CD163L1: variants seen among roughly 807,000 people sequenced by gnomAD.
CD163L1 encodes the protein CD163 molecule like 1.
CD163L1 carries 124 observed loss-of-function variants against 165.4 expected under a neutral mutation model. The observed-to-expected ratio is 0.75, with a 90% confidence interval of 0.65 to 0.87. CD163L1 has a LOEUF of 0.87. Among genes scored for constraint, CD163L1 ranks in the 40% least tolerant of loss-of-function variants. The pLI is 0.00. For missense variants in CD163L1, 1,525 were observed against 1,799.9 expected (o/e 0.85, Z 2.76); for synonymous variants, 585 against 662.2 (o/e 0.88, Z 1.79).
At position 7,398,304 on chromosome 12, in the gene CD163L1, A is replaced by G. The variant is rs761302181; in HGVS notation, c.1689T>C (p.His563=). The G allele has an allele frequency of 6.2e-7, 1 of 1,614,142 alleles. No individual in the cohort carries two copies. The highest frequency in any genetic ancestry group is 1.7e-5 in the Admixed American group (1 of 60,010). ...WDCEHSGWGK[H]NCVHREDVIV... ...TCACATCCTCTCTGTGTACACAATTATGCTTTCCCCATCCACTGTGTTCAC... is the reference window on the plus strand; with the variant it reads ...TCACATCCTCTCTGTGTACACAATTGTGCTTTCCCCATCCACTGTGTTCAC... The change falls in exon 7 of 20, where the codon CAT becomes CAC. Residue 563 remains histidine (H), a synonymous_variant. Coordinates refer to ENST00000313599, the MANE Select transcript of CD163L1 (RefSeq NM_174941.6). The surrounding 1 kb of genome is among the most constrained non-coding windows in gnomAD (Gnocchi z 4.5).
In CD163L1 at chr12:7,432,781, G is replaced by A. The variant is rs1419521926; in HGVS notation, c.446-45C>T. On this transcript the variant is annotated intron_variant, in intron 3 of 19. Transcript: ENST00000313599. This position sits in a 1 kb window ranked among gnomAD's most constrained non-coding sequence, Gnocchi z 4.2. ...ACATATGAAAAACTGATTCAACTTTGAGCCTGAAATAAAATCAAAAGGATA... is the reference window on the plus strand; with the variant it reads ...ACATATGAAAAACTGATTCAACTTTAAGCCTGAAATAAAATCAAAAGGATA... The A allele has an allele frequency of 6.7e-7, 1 of 1,488,330 alleles. No individual in the cohort carries two copies. Among genetic ancestry groups the A allele is most frequent in the Non-Finnish European group, 9.1e-7 (1 of 1,101,934 alleles). The allele number at this position is 1,488,330 out of a possible 1,614,324, so 92.2% of individuals were successfully genotyped here.
intron 8 of CD163L1, among the ~76,000 whole-genome samples, chr12:7,388,089 C>A (rs1045362871): frequency 1.3e-5 from 2 of 152,028 alleles, no homozygotes; most frequent in Non-Finnish European, 2.9e-5. Flanking sequence ...AGAATGAAAC[C>A]ATACCCCTCT....
chr12:7,373,294 C>A, intron 14 of CD163L1, 26 bp downstream of exon 14: 1 of 1,562,420 alleles, frequency 6.4e-7, no homozygotes, highest in South Asian at 1.2e-5. Context: ...GCTTCAGTGA[C>A]AGCTGGTGTT....
chr12:7,333,862 C>G, the CD163L1 span, among the ~76,000 whole-genome samples: 1 of 152,160 alleles, frequency 6.6e-6, no homozygotes, highest in Non-Finnish European at 1.5e-5. Context: ...CTATAAACAC[C>G]TCTACACAAA....
rs1468568798 is a variant in CD163L1 at position 7,441,161 on chromosome 12, G to A, written c.117C>T (p.Ser39=). The A allele has an allele frequency of 3.1e-6, 5 of 1,612,384 alleles. No homozygotes were observed. Among genetic ancestry groups the A allele is most frequent in the Non-Finnish European group, 4.2e-6 (5 of 1,178,540 alleles). The change falls in exon 2 of 20, where the codon AGC becomes AGT. Residue 39 remains serine (S), a synonymous_variant. Coordinates refer to ENST00000313599, the MANE Select transcript of CD163L1 (RefSeq NM_174941.6). ...ILLLNSCFLI[S]SFNGTDLELR... ...TCATCCATCAGAACTCACTAAAACTGCTGATGAGAAAGCAGGAATTCAGGA... is the reference window on the plus strand; with the variant it reads ...TCATCCATCAGAACTCACTAAAACTACTGATGAGAAAGCAGGAATTCAGGA...
the CD163L1 span, among the ~76,000 whole-genome samples, chr12:7,333,096 A>C: frequency 6.6e-6 from 1 of 152,148 alleles, no homozygotes; most frequent in Non-Finnish European, 1.5e-5. Context: ...CAGAAAGTTA[A>C]CAAAGATACC....
chr12:7,416,063 T>G (rs1036702504), intron 4 of CD163L1, among the ~76,000 whole-genome samples: 3 of 152,230 alleles, frequency 2.0e-5, no homozygotes, highest in African/African-American at 7.2e-5. Context: ...GCATTCCTAT[T>G]TCTCCACATT....
downstream of CD163L1, among the ~76,000 whole-genome samples, chr12:7,346,357 A>G (rs866538220): frequency 1.3e-5 from 2 of 152,134 alleles, no homozygotes; most frequent in Middle Eastern, 3.4e-3. Context: ...CTGATTCTCT[A>G]AAACATTTTA....
intron 2 of CD163L1, among the ~76,000 whole-genome samples, chr12:7,437,204 CTTT>C (rs569109418): frequency 0.017 from 650 of 37,954 alleles, 12 homozygotes; most frequent in African/African-American, 0.03. Context: ...AATAGTATTA[CTTT>C]TTTATTTTAA....
intron 9 of CD163L1, among the ~76,000 whole-genome samples, chr12:7,378,484 C>T (rs758412296): frequency 6.6e-6 from 1 of 152,290 alleles, no homozygotes; most frequent in South Asian, 2.1e-4. Flanking sequence ...AATAACCTTT[C>T]CCTTGCCTAC....
At chr12:7,363,114 G>A (rs1214120319) in intron 18 of CD163L1, among the ~76,000 whole-genome samples, 2 of 151,906 alleles carry the variant, frequency 1.3e-5, no homozygotes, top group Non-Finnish European at 2.9e-5. Context: ...AGACCAGCCC[G>A]ACCAACATAG....
In CD163L1 at chr12:7,438,706, T is replaced by C. The variant is rs1466613022; in HGVS notation, c.124+2448A>G. The C allele has an allele frequency of 4.9e-6, 4 of 818,256 alleles. No individual in the cohort carries two copies. In the African/African-American group the frequency reaches 5.2e-5, roughly 11 times the overall value. The allele number at this position is 818,256 out of a possible 1,614,324, so 50.7% of individuals were successfully genotyped here. A position where few individuals can be genotyped will look rare whatever the true frequency, so the allele number is the denominator to read the frequency against. ...TAAACACTTTCTCATAGCTTGACTG[T>C]TTCCCTTTCCTTGCTTGTGAAATGT... On this transcript the variant is annotated intron_variant, in intron 2 of 19. Coordinates refer to ENST00000313599, the MANE Select transcript of CD163L1 (RefSeq NM_174941.6).
chr12:7,344,083 T>G (rs1463944336), downstream of CD163L1, among the ~76,000 whole-genome samples: 3 of 151,894 alleles, frequency 2.0e-5, no homozygotes, highest in Admixed American at 6.5e-5. Context: ...AAGCCTTTTT[T>G]TTTGTTTGTT....
intron 8 of CD163L1, 93 bp from the exon 9 acceptor site, chr12:7,379,391 G>T: frequency 7.9e-7 from 1 of 1,272,910 alleles, no homozygotes. Context: ...TAGACCAGTG[G>T]CCAAAAGTTG....
intron 4 of CD163L1, among the ~76,000 whole-genome samples, chr12:7,411,546 T>C (rs1948138068): frequency 6.6e-6 from 1 of 152,144 alleles, no homozygotes; most frequent in Non-Finnish European, 1.5e-5. Context: ...CCCCACCACC[T>C]TGCTCCCTTC....
At chr12:7,395,052 T>C (rs1298020146) in intron 8 of CD163L1, among the ~76,000 whole-genome samples, 1 of 152,190 alleles carries the variant, frequency 6.6e-6, no homozygotes, top group East Asian at 1.9e-4. Flanking sequence ...CTCAAGGACC[T>C]AGAACTAGAA....
intron 4 of CD163L1, among the ~76,000 whole-genome samples, chr12:7,422,139 T>C (rs6488286): frequency 1 from 152,215 of 152,230 alleles, 76,100 homozygotes; most frequent in Non-Finnish European, 1. Context: ...TGGTGATAAC[T>C]AGGCAAATAG....
chr12:7,397,315 G>A (rs946239139), intron 7 of CD163L1, among the ~76,000 whole-genome samples: 1 of 152,132 alleles, frequency 6.6e-6, no homozygotes, highest in Non-Finnish European at 1.5e-5. Context: ...CAGCTGAACT[G>A]CAATATGACC....
At chr12:7,421,440 CATATACATATATGTACAT>C (rs1948391900) in intron 4 of CD163L1, among the ~76,000 whole-genome samples, 1 of 88,162 alleles carries the variant, frequency 1.1e-5, no homozygotes, top group Admixed American at 1.2e-4. Context: ...TACATATATA[CATATACATATATGTACAT>C]ATATACATAT....
Sources: allele counts gnomAD v4.1 joint callset (sites outside exome capture counted in the v4.1 genomes callset), GRCh38; gene constraint gnomAD v4.1.1; non-coding constraint Gnocchi (gnomAD v3.1); transcripts MANE v1.5; gene names NCBI Gene and HGNC (gene_info 2026-07-23, HGNC 2026-07-21).